FRMPD4: variants seen among roughly 807,000 people sequenced by gnomAD.
FRMPD4 encodes the protein FERM and PDZ domain-containing protein 4.
FRMPD4 carries 22 observed loss-of-function variants against 94.1 expected under a neutral mutation model. The ratio of observed to expected loss-of-function variants is 0.23; its 90% confidence interval spans 0.17 to 0.33. The LOEUF (loss-of-function observed/expected upper bound fraction) is 0.33. Among genes scored for constraint, FRMPD4 ranks in the 10% least tolerant of loss-of-function variants. The pLI is 1.00. For synonymous variants in FRMPD4, 631 were observed against 548.6 expected (o/e 1.15, Z -2.10); for missense variants, 1,111 against 1,339.9 (o/e 0.83, Z 2.67).
At chrX:12,025,949 G>A (rs1413615395) in intron 3 of FRMPD4, among the ~76,000 whole-genome samples, 1 of 111,926 alleles carries the variant, frequency 8.9e-6, no homozygotes, top group African/African-American at 3.2e-5. Flanking sequence ...ATAAATGTTT[G>A]TTATTTTAAG....
intron 4 of FRMPD4, among the ~76,000 whole-genome samples, chrX:12,631,696 C>T (rs755928599): frequency 8.9e-6 from 1 of 111,843 alleles, no homozygotes; most frequent in South Asian, 3.8e-4. Flanking sequence ...GCTCATTTCA[C>T]GCTTTTCCAT....
At chrX:12,092,374 C>G (rs968729478) in intron 3 of FRMPD4, among the ~76,000 whole-genome samples, 1 of 112,010 alleles carries the variant, frequency 8.9e-6, no homozygotes, top group African/African-American at 3.2e-5. Flanking sequence ...CCTCGTTTTC[C>G]ACATCAGGAA....
At chrX:11,919,182 G>T (rs1320488261) in intron 3 of FRMPD4, among the ~76,000 whole-genome samples, 3 of 112,054 alleles carry the variant, frequency 2.7e-5, no homozygotes, top group African/African-American at 9.7e-5. Context: ...GGCATCCCCA[G>T]CCTGTATATA....
intron 3 of FRMPD4, among the ~76,000 whole-genome samples, chrX:12,011,131 T>G (rs2054578685): frequency 8.9e-6 from 1 of 112,516 alleles, no homozygotes; most frequent in Non-Finnish European, 1.9e-5. Context: ...CTTTTATTTT[T>G]GGTTGGTTAG....
chrX:12,534,804 A>G (rs778381735), intron 2 of FRMPD4, among the ~76,000 whole-genome samples: 51 of 112,601 alleles, frequency 4.5e-4, no homozygotes, highest in African/African-American at 1.6e-3. Flanking sequence ...TTACAGGCTC[A>G]TAGGCAGAAG....
intron 1 of FRMPD4, among the ~76,000 whole-genome samples, chrX:12,183,273 C>G (rs2056383947): frequency 1.8e-5 from 2 of 111,366 alleles, no homozygotes; most frequent in East Asian, 5.7e-4. Context: ...TTGACTTCCT[C>G]TTAATATAAA....
chrX:11,970,664 C>T (rs2054335311), intron 3 of FRMPD4, among the ~76,000 whole-genome samples: 1 of 112,041 alleles, frequency 8.9e-6, no homozygotes, highest in Admixed American at 9.4e-5. Context: ...AAAATTTCTG[C>T]TGATTGCAAA....
At chrX:12,017,476 A>C (rs2054610196) in intron 3 of FRMPD4, among the ~76,000 whole-genome samples, 1 of 112,160 alleles carries the variant, frequency 8.9e-6, no homozygotes, top group African/African-American at 3.2e-5. Flanking sequence ...TCTTTTTTTA[A>C]AACATTTTTT....
chrX:12,703,238 T>G (rs962129555), intron 10 of FRMPD4, among the ~76,000 whole-genome samples: 1 of 112,615 alleles, frequency 8.9e-6, no homozygotes, highest in African/African-American at 3.2e-5. Flanking sequence ...CTAATATGTA[T>G]GAATTATATT....
At chrX:12,028,493 C>T (rs139193122) in intron 3 of FRMPD4, among the ~76,000 whole-genome samples, 1,209 of 109,513 alleles carry the variant, frequency 0.011, 13 homozygotes, top group African/African-American at 0.038. Flanking sequence ...TCATTATCAC[C>T]CAAAGCCTAT....
intron 1 of FRMPD4, among the ~76,000 whole-genome samples, chrX:12,450,882 AAG>A (rs1204578656): frequency 6.0e-4 from 64 of 107,117 alleles, no homozygotes; most frequent in African/African-American, 2.1e-3. Context: ...AAAAAAAAAA[AAG>A]AGAGAGAGAA....
chrX:12,709,060 G>C (rs1189698394), intron 13 of FRMPD4: 1 of 113,751 alleles, frequency 8.8e-6, no homozygotes, highest in Non-Finnish European at 1.9e-5. Context: ...AGTTATTACA[G>C]ATCCGATGAC....
chrX:11,839,977 A>G (rs920581392), intron 1 of FRMPD4, among the ~76,000 whole-genome samples: 2 of 111,769 alleles, frequency 1.8e-5, no homozygotes, highest in African/African-American at 6.5e-5. Context: ...TCTTTAGATT[A>G]CAGTGGTTTT....
rs1031777720 is a variant in FRMPD4 at position 12,076,394 on chromosome X, C to T, written c.95+198376C>T. On this transcript the variant is annotated intron_variant, in intron 3 of 18. Coordinates refer to the FRMPD4 transcript ENST00000640291. ...TGTGTGGAGAGAGAGAGAGAGCGAG[C>T]GAGCATATCCTGACCTGTTGCCAGG... is the stretch of plus-strand genomic sequence containing the variant. Among the ~76,000 whole-genome samples the T allele has an allele frequency of 5.6e-5, 6 of 106,857 alleles. No homozygotes were observed. The East Asian group carries it at 8.8e-4, about 16-fold the overall frequency. The allele number at this position is 106,857 out of a possible 115,157, so 92.8% of individuals were successfully genotyped here. A position where few individuals can be genotyped will look rare whatever the true frequency, so the allele number is the denominator to read the frequency against.
At chrX:11,964,410 C>T (rs1465403489) in intron 3 of FRMPD4, among the ~76,000 whole-genome samples, 2 of 110,902 alleles carry the variant, frequency 1.8e-5, no homozygotes, top group Non-Finnish European at 3.8e-5. Context: ...TCCCAAAGTG[C>T]TGGGATTACA....
chrX:12,619,428 A>C (rs926182733), intron 4 of FRMPD4, among the ~76,000 whole-genome samples: 9 of 112,009 alleles, frequency 8.0e-5, no homozygotes, highest in African/African-American at 2.9e-4. Flanking sequence ...TTTGGCAGCC[A>C]CCTATGGACA....
intron 4 of FRMPD4, among the ~76,000 whole-genome samples, chrX:12,623,919 C>A (rs1158389942): frequency 8.9e-6 from 1 of 112,132 alleles, no homozygotes; most frequent in Non-Finnish European, 1.9e-5. Flanking sequence ...TGACACCCAC[C>A]TGTAGTCTCA....
At chrX:11,934,884 T>C (rs2054143807) in intron 3 of FRMPD4, among the ~76,000 whole-genome samples, 2 of 111,796 alleles carry the variant, frequency 1.8e-5, no homozygotes, top group Non-Finnish European at 1.9e-5. Flanking sequence ...TGTTGTTTAA[T>C]TTAATTTGTT....
chrX:12,018,794 A>G (rs1055183190), intron 3 of FRMPD4, among the ~76,000 whole-genome samples: 2 of 111,893 alleles, frequency 1.8e-5, no homozygotes, highest in Non-Finnish European at 3.8e-5. Flanking sequence ...ATTTGATTAC[A>G]TCTGCAAAGA....
Sources: gnomAD v4.1 joint callset for allele counts (sites outside exome capture counted in the v4.1 genomes callset) on GRCh38, gnomAD v4.1.1 for gene constraint, MANE v1.5 for transcripts, NCBI Gene and HGNC (gene_info 2026-07-23, HGNC 2026-07-21) for gene names.